The following SLC35F3 variants were observed in gnomAD, a reference collection of about 807,000 sequenced individuals.
The protein encoded by SLC35F3 is solute carrier family 35 member F3.
A neutral mutation model predicts 49.9 loss-of-function variants in SLC35F3; 25 were observed. That is an observed-to-expected ratio of 0.50 (90% CI 0.37 to 0.70). The LOEUF (loss-of-function observed/expected upper bound fraction) is 0.70, where lower values mean the gene tolerates loss of function less well. Ranked by LOEUF, SLC35F3 falls within the 30% of genes least tolerant of loss-of-function variation. The pLI, the probability that SLC35F3 is intolerant of heterozygous loss-of-function variation, is 0.00. For missense variants in SLC35F3, 525 were observed against 639.8 expected, an observed-to-expected ratio of 0.82 and a Z score of 1.94; for synonymous variants, 275 against 265.4, an observed-to-expected ratio of 1.04 and a Z score of -0.35.
intron 2 of SLC35F3, among the ~76,000 whole-genome samples, chr1:234,144,619 G>T (rs1056085131): frequency 2.0e-5 from 3 of 152,158 alleles, no homozygotes; most frequent in Non-Finnish European, 4.4e-5. Flanking sequence ...TTTAAATCTT[G>T]TAATTCTTGT....
At chr1:234,138,199 A>C (rs1665838726) in intron 2 of SLC35F3, among the ~76,000 whole-genome samples, 1 of 152,232 alleles carries the variant, frequency 6.6e-6, no homozygotes, top group Admixed American at 6.5e-5. Context: ...TGTAGGTTAA[A>C]ATAAATTGCA....
chr1:234,194,283 A>C (rs1666772115), intron 2 of SLC35F3, among the ~76,000 whole-genome samples: 1 of 152,212 alleles, frequency 6.6e-6, no homozygotes, highest in Non-Finnish European at 1.5e-5. Context: ...GAAAGAACTA[A>C]TGGCATTTGC....
At chr1:234,251,714 G>A (rs1457062379) in intron 3 of SLC35F3, among the ~76,000 whole-genome samples, 1 of 152,152 alleles carries the variant, frequency 6.6e-6, no homozygotes, top group Non-Finnish European at 1.5e-5. Flanking sequence ...CTGTTCTACA[G>A]GTTAAAATAT....
rs552243152 is a variant in SLC35F3 at position 234,061,793 on chromosome 1, T to A, written c.283+156035T>A. Reference sequence around the variant, plus strand: ...TTGTTATACTTTTCAACTCCAGAATTTACGTTTGGCTTTTTAAAAAAATAA... The same window carrying A: ...TTGTTATACTTTTCAACTCCAGAATATACGTTTGGCTTTTTAAAAAAATAA... On this transcript the variant is annotated intron_variant, in intron 2 of 7. Coordinates refer to ENST00000366618, the MANE Select transcript of SLC35F3 (RefSeq NM_173508.4). 1.9e-4 allele frequency among the ~76,000 whole-genome samples: 29 copies of A among 152,294 alleles called. No individual in the cohort carries two copies. In the South Asian group the frequency reaches 2.3e-3, roughly 12 times the overall value.
chr1:234,139,969 T>TAAAATA (rs1201092815), intron 2 of SLC35F3, among the ~76,000 whole-genome samples: 1 of 134,194 alleles, frequency 7.5e-6, no homozygotes, highest in Non-Finnish European at 1.6e-5. Context: ...TAAAATAAAA[T>TAAAATA]AAAATAAAAT....
chr1:234,071,979 G>T (rs1458712218), intron 2 of SLC35F3, among the ~76,000 whole-genome samples: 1 of 152,234 alleles, frequency 6.6e-6, no homozygotes, highest in Non-Finnish European at 1.5e-5. Flanking sequence ...GGACTCATGA[G>T]TGTGGTTGCT....
intron 2 of SLC35F3, among the ~76,000 whole-genome samples, chr1:233,991,613 T>A (rs1572011326): frequency 6.6e-6 from 1 of 152,136 alleles, no homozygotes; most frequent in Non-Finnish European, 1.5e-5. Context: ...TGTGCTATAG[T>A]GTTAAGGAAA....
chr1:233,935,343 G>A (rs183497463), intron 2 of SLC35F3, among the ~76,000 whole-genome samples: 1 of 152,074 alleles, frequency 6.6e-6, no homozygotes, highest in Admixed American at 6.5e-5. Flanking sequence ...TTAGTGGAAG[G>A]TTGAGTCAGT....
chr1:234,275,567 GTAGGTAGT>G (rs1341527433), intron 3 of SLC35F3, among the ~76,000 whole-genome samples: 76 of 150,454 alleles, frequency 5.1e-4, no homozygotes, highest in African/African-American at 1.8e-3. Context: ...TGGCTTGTAG[GTAGGTAGT>G]TAGGTAGGTA....
intron 2 of SLC35F3, among the ~76,000 whole-genome samples, chr1:233,922,504 T>TC (rs1387814721): frequency 6.7e-6 from 1 of 148,680 alleles, no homozygotes; most frequent in South Asian, 2.1e-4. Context: ...TTTTTTTTTT[T>TC]TCTTGTAAAT....
At chr1:234,190,241 T>G (rs891716778) in intron 2 of SLC35F3, among the ~76,000 whole-genome samples, 1 of 152,176 alleles carries the variant, frequency 6.6e-6, no homozygotes, top group Non-Finnish European at 1.5e-5. Flanking sequence ...TGAATGTAAA[T>G]GGTCTAAATG....
intron 2 of SLC35F3, among the ~76,000 whole-genome samples, chr1:234,106,970 A>G (rs1416970041): frequency 2.6e-5 from 4 of 152,214 alleles, no homozygotes; most frequent in African/African-American, 9.6e-5. Context: ...TCACTTTTTA[A>G]TCATCTCCAT....
At chr1:234,031,879 A>G (rs1664067961) in intron 2 of SLC35F3, among the ~76,000 whole-genome samples, 2 of 152,336 alleles carry the variant, frequency 1.3e-5, no homozygotes, top group African/African-American at 2.4e-5. Context: ...GTCTAGACAC[A>G]GCCTGGAACC....
At chr1:233,928,739 G>A (rs538047677) in intron 2 of SLC35F3, among the ~76,000 whole-genome samples, 3 of 152,112 alleles carry the variant, frequency 2.0e-5, no homozygotes, top group Non-Finnish European at 4.4e-5. Flanking sequence ...TTCATTATAG[G>A]GCCCTTTCAA....
At chr1:234,250,893 G>T (rs982041981) in intron 3 of SLC35F3, among the ~76,000 whole-genome samples, 3 of 152,110 alleles carry the variant, frequency 2.0e-5, no homozygotes, top group African/African-American at 7.2e-5. Context: ...TGCAAAGACT[G>T]CACCAAGCCA....
chr1:234,144,560 G>C (rs1298782628), intron 2 of SLC35F3, among the ~76,000 whole-genome samples: 2 of 152,178 alleles, frequency 1.3e-5, no homozygotes, highest in Non-Finnish European at 2.9e-5. Context: ...GGGTTGTTCA[G>C]ACATATATTT....
rs907860970 is a variant in SLC35F3, at chr1:234,142,864, A to G, written c.284-88553A>G. On this transcript the variant is annotated intron_variant, in intron 2 of 7. Coordinates refer to ENST00000366618, the MANE Select transcript of SLC35F3 (RefSeq NM_173508.4). ...AACTCTCATTAAAAGATTGAGTTAT[A>G]TAGTCAGTATGGGGAAATCTCTATT... 4.6e-5 allele frequency among the ~76,000 whole-genome samples: 7 copies of G among 152,224 alleles called. No individual in the cohort carries two copies. In the East Asian group the frequency reaches 1.2e-3, roughly 25 times the overall value.
At position 234,206,074 on chromosome 1, in the gene SLC35F3, G is replaced by C. The variant is rs1666965785; in HGVS notation, c.284-25343G>C. On this transcript the variant is annotated intron_variant, in intron 2 of 7. Coordinates refer to ENST00000366618, the MANE Select transcript of SLC35F3 (RefSeq NM_173508.4). ...TGAGGGGCACGTGGCAGCTGGGGGA[G>C]CTAGGAAATGCGGAGAGGCAGGGAG... Among the ~76,000 whole-genome samples the C allele has an allele frequency of 2.0e-5, 3 of 152,156 alleles. No individual in the cohort carries two copies. In the South Asian group the frequency reaches 6.2e-4, roughly 32 times the overall value.
At chr1:233,927,482 T>A (rs1021367153) in intron 2 of SLC35F3, among the ~76,000 whole-genome samples, 1 of 152,148 alleles carries the variant, frequency 6.6e-6, no homozygotes, top group South Asian at 2.1e-4. Context: ...GTAATACTCA[T>A]GTATGGGCAC....
Sources: gnomAD v4.1 joint callset for allele counts (sites outside exome capture counted in the v4.1 genomes callset) on GRCh38, gnomAD v4.1.1 for gene constraint, MANE v1.5 for transcripts, NCBI Gene and HGNC (gene_info 2026-07-23, HGNC 2026-07-21) for gene names.